The following FBXL2 variants were observed in gnomAD, a reference collection of about 807,000 sequenced individuals.
FBXL2 encodes F-box and leucine rich repeat protein 2, also known as F-box/LRR-repeat protein 2.
FBXL2 carries 38 observed loss-of-function variants against 69.2 expected under a neutral mutation model. The observed-to-expected ratio is 0.55, with a 90% confidence interval of 0.42 to 0.72. The LOEUF is 0.72. Among genes scored for constraint, FBXL2 ranks in the 30% least tolerant of loss-of-function variants. The probability of loss-of-function intolerance (pLI) is 0.00; values close to 1 mark genes in which losing one functional copy is unlikely to be tolerated. For synonymous variants in FBXL2, 192 were observed against 201.3 expected (o/e 0.95, Z 0.39); for missense variants, 354 against 520.3 (o/e 0.68, Z 3.11).
chr3:33,406,550 A>G (rs1178763863), downstream of FBXL2, among the ~76,000 whole-genome samples: 3 of 152,244 alleles, frequency 2.0e-5, no homozygotes, highest in East Asian at 3.8e-4. Flanking sequence ...CATTTGAAGA[A>G]ATGAAGCCAT....
chr3:33,382,364 G>A (rs2043120674), intron 13 of FBXL2, among the ~76,000 whole-genome samples: 1 of 152,124 alleles, frequency 6.6e-6, no homozygotes, highest in African/African-American at 2.4e-5. Flanking sequence ...ACATTATCAT[G>A]ACCCCGGAAA....
At chr3:33,357,654 T>G (rs1448610369) in intron 2 of FBXL2, among the ~76,000 whole-genome samples, 1 of 152,010 alleles carries the variant, frequency 6.6e-6, no homozygotes, top group African/African-American at 2.4e-5. Flanking sequence ...CTCAGCCTTT[T>G]GAGTAGCTGG....
the FBXL2 span, chr3:33,415,988 T>C: frequency 2.0e-5 from 3 of 152,198 alleles, no homozygotes. Context: ...ACCACAAGGC[T>C]GCCCTTCCCA....
chr3:33,412,901 T>C, the FBXL2 span: 1 of 932,676 alleles, frequency 1.1e-6, no homozygotes, highest in Non-Finnish European at 1.8e-6. Context: ...CTACTTCTTA[T>C]GTGTTAACCT....
At chr3:33,307,326 A>G (rs2036810473) in intron 2 of FBXL2, among the ~76,000 whole-genome samples, 1 of 152,212 alleles carries the variant, frequency 6.6e-6, no homozygotes, top group Non-Finnish European at 1.5e-5. Context: ...GACATTCTAC[A>G]AAGTAATTGG....
chr3:33,372,970 C>A, intron 5 of FBXL2, 122 bp from the exon 6 acceptor site: 2 of 825,330 alleles, frequency 2.4e-6, no homozygotes, highest in South Asian at 1.4e-5. Flanking sequence ...AGAACCCTAG[C>A]TGATTGTTAC....
downstream of FBXL2, among the ~76,000 whole-genome samples, chr3:33,404,667 G>A (rs138263127): frequency 1.3e-5 from 2 of 151,944 alleles, no homozygotes; most frequent in Middle Eastern, 3.4e-3. Flanking sequence ...GAAAGAAAAA[G>A]TACATAACTC....
chr3:33,359,140 T>C, intron 3 of FBXL2, 119 bp downstream of exon 3: 2 of 899,512 alleles, frequency 2.2e-6, no homozygotes, highest in Non-Finnish European at 1.6e-6. Flanking sequence ...AACATAATGG[T>C]ATAATTTTGC....
At position 33,300,353 on chromosome 3, in the gene FBXL2, A is replaced by G. The variant is rs369281082; in HGVS notation, c.65+2628A>G. Among the ~76,000 whole-genome samples the G allele has an allele frequency of 8.5e-5, 13 of 152,342 alleles. No individual in the cohort carries two copies. The East Asian group carries it at 2.1e-3, about 25-fold the overall frequency. ...GAAACTTCAGTTCTTTTAAAGATCC[A>G]TGATGGACTCAGCTGTTAGGAATTC... On this transcript the variant is annotated intron_variant, in intron 2 of 14. Transcript: ENST00000484457.
the FBXL2 span, among the ~76,000 whole-genome samples, chr3:33,418,106 C>A: frequency 6.6e-6 from 1 of 151,948 alleles, no homozygotes; most frequent in African/African-American, 2.4e-5. Context: ...ATTCTGAAAA[C>A]AGAAATAATT....
intron 2 of FBXL2, among the ~76,000 whole-genome samples, chr3:33,325,840 G>T (rs2125811083): frequency 6.6e-6 from 1 of 151,948 alleles, no homozygotes; most frequent in South Asian, 2.1e-4. Flanking sequence ...AGAATAAATG[G>T]AACCCAGCCA....
At chr3:33,350,079 A>C (rs2040725546) in intron 2 of FBXL2, among the ~76,000 whole-genome samples, 1 of 152,184 alleles carries the variant, frequency 6.6e-6, no homozygotes, top group African/African-American at 2.4e-5. Flanking sequence ...GACCATATAA[A>C]AATATTACAA....
At chr3:33,355,913 G>A (rs2154039894) in intron 2 of FBXL2, among the ~76,000 whole-genome samples, 1 of 152,328 alleles carries the variant, frequency 6.6e-6, no homozygotes, top group African/African-American at 2.4e-5. Context: ...TGGCTTTGGT[G>A]TCAGTGTGGT....
rs1004830724 is a variant in FBXL2, at chr3:33,384,059, A to G, written c.1022A>G (p.Glu341Gly). The change falls in exon 14 of 15, where the codon GAG (glutamate) becomes GGG (glycine). Residue 341 changes from glutamate (E) to glycine (G), a missense_variant. Transcript: ENST00000484457. ...CTGAGCAACAGTACCTGTGGCCATG[A>G]GAGGCTGCGGGTACTGGAGTTGGAC... ...LHLSNSTCGH[E>G]RLRVLELDNC... is the part of the protein sequence containing the mutation. 3.7e-6 allele frequency: 6 copies of G among 1,614,038 alleles called. No individual in the cohort carries two copies. The highest frequency in any genetic ancestry group is 1.7e-5 in the Admixed American group (1 of 59,992).
chr3:33,277,545 G>A, intron 1 of FBXL2, 30 bp downstream of exon 1: 1 of 1,281,182 alleles, frequency 7.8e-7, no homozygotes, highest in Non-Finnish European at 9.9e-7. Flanking sequence ...CTGCCTAGCT[G>A]CCCCGCCCTA....
chr3:33,320,730 C>T (rs898015249), intron 2 of FBXL2, among the ~76,000 whole-genome samples: 2 of 152,014 alleles, frequency 1.3e-5, no homozygotes, highest in African/African-American at 2.4e-5. Context: ...CCACCTTCCT[C>T]GGCCTCCCAA....
chr3:33,290,748 GA>G (rs1017745300), intron 1 of FBXL2, among the ~76,000 whole-genome samples: 16 of 152,216 alleles, frequency 1.1e-4, no homozygotes, highest in Admixed American at 2.0e-4. Flanking sequence ...AGAGTTCAAG[GA>G]GTGGAGGAAG....
intron 2 of FBXL2, among the ~76,000 whole-genome samples, chr3:33,341,392 T>C (rs573753418): frequency 2.0e-5 from 3 of 152,158 alleles, no homozygotes; most frequent in South Asian, 4.1e-4. Context: ...GATTGAAAGA[T>C]TTAAAAGGAC....
chr3:33,385,504 C>G lies in FBXL2; in HGVS notation c.1168C>G (p.Gln390Glu). ...TRAGIKRMRA[Q>E]LPHVKVHAYF... ...ACTTTTTTCTTCATCCTTCCAGGCT[C>G]AGCTCCCTCATGTCAAAGTCCACGC... is the stretch of plus-strand genomic sequence containing the variant. The change falls in exon 15 of 15, where the codon CAG becomes GAG. Residue 390 changes from glutamine to glutamate, a missense_variant. Gln to Glu is a conservative substitution (Grantham distance 29, BLOSUM62 2). Transcript: ENST00000484457. The G allele has an allele frequency of 6.2e-7, 1 of 1,613,914 alleles. No homozygotes were observed.
Sources: allele counts gnomAD v4.1 joint callset (sites outside exome capture counted in the v4.1 genomes callset), GRCh38; gene constraint gnomAD v4.1.1; transcripts MANE v1.5; gene names NCBI Gene and HGNC (gene_info 2026-07-23, HGNC 2026-07-21).